Variants in RPH3A observed in about 807,000 individuals in gnomAD.
The protein encoded by RPH3A is rabphilin-3A.
A neutral mutation model predicts 102.2 loss-of-function variants in RPH3A; 48 were observed. The ratio of observed to expected loss-of-function variants is 0.47; its 90% CI spans 0.37 to 0.60. RPH3A has a LOEUF of 0.60. Among genes scored for constraint, RPH3A ranks in the 20% least tolerant of loss-of-function variants. The pLI, the probability that RPH3A is intolerant of heterozygous loss-of-function variation, is 0.00. For missense variants in RPH3A, 781 were observed against 910.1 expected (o/e 0.86, Z 1.83); for synonymous variants, 310 against 324.3 (o/e 0.96, Z 0.47).
intron 5 of RPH3A, among the ~76,000 whole-genome samples, chr12:112,861,875 C>T (rs1194024684): frequency 6.6e-6 from 1 of 151,760 alleles, no homozygotes; most frequent in Admixed American, 6.6e-5. Flanking sequence ...TAGCCAGGCG[C>T]GATGGTGGGC....
chr12:112,885,572 C>G (rs561984876), intron 16 of RPH3A, among the ~76,000 whole-genome samples: 6 of 152,168 alleles, frequency 3.9e-5, no homozygotes, highest in African/African-American at 1.2e-4. Context: ...TGACAAACAT[C>G]TTTGTAGTTA....
intron 1 of RPH3A, among the ~76,000 whole-genome samples, chr12:112,687,279 T>A (rs1159605025): frequency 1.3e-5 from 2 of 152,202 alleles, no homozygotes; most frequent in Non-Finnish European, 2.9e-5. Flanking sequence ...CCCAGGCTCT[T>A]TTTATCTCTT....
intron 1 of RPH3A, among the ~76,000 whole-genome samples, chr12:112,652,319 A>G (rs914488644): frequency 3.9e-5 from 6 of 152,150 alleles, no homozygotes; most frequent in Non-Finnish European, 8.8e-5. Context: ...GTACAAAAAC[A>G]TGAAAATATT....
intron 1 of RPH3A, among the ~76,000 whole-genome samples, chr12:112,600,065 C>T (rs2039547671): frequency 6.6e-6 from 1 of 152,092 alleles, no homozygotes; most frequent in Admixed American, 6.6e-5. Flanking sequence ...TCAATAAGGG[C>T]ATTATTTCCT....
At chr12:112,723,169 C>T (rs950570393) in intron 1 of RPH3A, among the ~76,000 whole-genome samples, 1 of 152,098 alleles carries the variant, frequency 6.6e-6, no homozygotes, top group Non-Finnish European at 1.5e-5. Flanking sequence ...TGACAACTCC[C>T]TCCCCCTGTA....
At chr12:112,624,249 CA>C (rs1332474934) in intron 1 of RPH3A, among the ~76,000 whole-genome samples, 1 of 149,214 alleles carries the variant, frequency 6.7e-6, no homozygotes, top group Non-Finnish European at 1.5e-5. Flanking sequence ...AAAAACCCTT[CA>C]AAAAATCAAT....
intron 5 of RPH3A, among the ~76,000 whole-genome samples, chr12:112,864,366 G>T (rs1182952598): frequency 1.3e-5 from 2 of 150,466 alleles, no homozygotes; most frequent in African/African-American, 4.9e-5. Flanking sequence ...CAGGAGAATT[G>T]CTTGAACCCG....
intron 2 of RPH3A, among the ~76,000 whole-genome samples, chr12:112,826,192 G>T (rs1247951925): frequency 6.6e-6 from 1 of 152,218 alleles, no homozygotes; most frequent in Non-Finnish European, 1.5e-5. Flanking sequence ...GGGATAGAGA[G>T]AGCCAGACAG....
chr12:112,805,682 A>C (rs545642366), intron 2 of RPH3A, among the ~76,000 whole-genome samples: 1 of 152,354 alleles, frequency 6.6e-6, no homozygotes, highest in African/African-American at 2.4e-5. Context: ...GTTGACAGCC[A>C]AATGCACGTT....
chr12:112,608,429 A>G (rs879033263), intron 1 of RPH3A, among the ~76,000 whole-genome samples: 1 of 152,120 alleles, frequency 6.6e-6, no homozygotes, highest in Admixed American at 6.6e-5. Context: ...ATTCTCAAGT[A>G]GTGTCCTGCC....
At chr12:112,597,832 C>T (rs1393713063) in intron 1 of RPH3A, among the ~76,000 whole-genome samples, 1 of 152,172 alleles carries the variant, frequency 6.6e-6, no homozygotes, top group African/African-American at 2.4e-5. Flanking sequence ...GGAGCATAGA[C>T]TGGTCAGCTT....
At chr12:112,788,101 G>T (rs184624489), upstream of RPH3A, among the ~76,000 whole-genome samples, 3 of 152,348 alleles carry the variant, frequency 2.0e-5, no homozygotes, top group African/African-American at 7.2e-5. Context: ...TGAACAAAGG[G>T]TTCTCCAGAA....
At chr12:112,712,754 C>T (rs1406607332) in intron 1 of RPH3A, among the ~76,000 whole-genome samples, 1 of 151,922 alleles carries the variant, frequency 6.6e-6, no homozygotes, top group Non-Finnish European at 1.5e-5. Context: ...CTCTGTTGCC[C>T]AGACTGGAGT....
At chr12:112,881,528 A>G (rs1305656320) in intron 14 of RPH3A, among the ~76,000 whole-genome samples, 2 of 152,248 alleles carry the variant, frequency 1.3e-5, no homozygotes, top group African/African-American at 2.4e-5. Context: ...ACTGAGGCTC[A>G]GATAGGTTAA....
rs2042785159 is a variant in RPH3A at position 112,875,679 on chromosome 12, G to T, written c.884G>T (p.Gly295Val). ...SPAPPQPGQP[G>V]TPGGSRPGPG... is the part of the protein sequence containing the mutation. Reference sequence around the variant, plus strand: ...CTGTTTGTCTCCTCTCCCTGCTCAGGGACCCCAGGAGGAAGCAGACCGGGT... The same window carrying T: ...CTGTTTGTCTCCTCTCCCTGCTCAGTGACCCCAGGAGGAAGCAGACCGGGT... Residue 295 changes from glycine (G) to valine (V), a missense_variant and splice_region_variant, in exon 12 of 22, where the codon GGG (glycine) becomes GTG (valine). By Grantham distance (109) the Gly-to-Val change is moderately radical (BLOSUM62 -3). Transcript: ENST00000389385. 1.2e-6 allele frequency: 2 copies of T among 1,613,410 alleles called. No homozygotes were observed. The highest frequency in any genetic ancestry group is 2.7e-5 in the African/African-American group (2 of 74,956).
intron 1 of RPH3A, among the ~76,000 whole-genome samples, chr12:112,737,164 A>T (rs1373482566): frequency 6.6e-6 from 1 of 151,516 alleles, no homozygotes; most frequent in Non-Finnish European, 1.5e-5. Flanking sequence ...CAAAAAAAAA[A>T]AAAACAAAAT....
chr12:112,883,993 G>A (rs1484906412), intron 16 of RPH3A, among the ~76,000 whole-genome samples: 1 of 151,920 alleles, frequency 6.6e-6, no homozygotes, highest in Non-Finnish European at 1.5e-5. Context: ...AGGTGCACAG[G>A]TGCACTTATT....
In RPH3A at chr12:112,890,917, G is replaced by T. The variant is rs2043083717; in HGVS notation, c.1689G>T (p.Gln563His). The T allele has an allele frequency of 6.2e-7, 1 of 1,614,064 alleles. No individual in the cohort carries two copies. Among genetic ancestry groups the T allele is most frequent in the Non-Finnish European group, 8.5e-7 (1 of 1,179,980 alleles). ...TGGTCTCCCTCATGTACAGCACACA[G>T]CAGGGAGGCCTCATTGTGGGCATCA... Reference protein sequence around the residue: ...KILVSLMYSTQQGGLIVGIIR... With the variant: ...KILVSLMYSTHQGGLIVGIIR... Residue 563 changes from glutamine (Q) to histidine (H), a missense_variant, in exon 19 of 22, where the codon CAG (glutamine) becomes CAT (histidine). Coordinates refer to ENST00000389385, the MANE Select transcript of RPH3A (RefSeq NM_001143854.2).
intron 5 of RPH3A, among the ~76,000 whole-genome samples, chr12:112,859,654 A>G (rs186757656): frequency 6.6e-6 from 1 of 152,320 alleles, no homozygotes; most frequent in Non-Finnish European, 1.5e-5. Flanking sequence ...CCCAGTTAAC[A>G]CAGCAAGAAG....
Sources: gnomAD v4.1 joint callset for allele counts (sites outside exome capture counted in the v4.1 genomes callset) on GRCh38, gnomAD v4.1.1 for gene constraint, MANE v1.5 for transcripts, NCBI Gene and HGNC (gene_info 2026-07-23, HGNC 2026-07-21) for gene names.